The following ANO3 variants were observed in gnomAD, a reference collection of about 807,000 sequenced individuals.
ANO3 encodes the protein anoctamin 3.
Under a neutral mutation model 144.8 loss-of-function variants are expected in ANO3, and 99 were observed. The observed-to-expected ratio is 0.68, with a 90% CI of 0.58 to 0.81. ANO3 has a LOEUF of 0.81. Among genes scored for constraint, ANO3 ranks in the 30% least tolerant of loss-of-function variants. The probability of loss-of-function intolerance (pLI) is 0.00; values close to 1 mark genes in which losing one functional copy is unlikely to be tolerated. For missense variants in ANO3, 905 were observed against 1,202.2 expected (o/e 0.75, Z 3.66); for synonymous variants, 414 against 392.6 (o/e 1.05, Z -0.64).
intron 1 of ANO3, among the ~76,000 whole-genome samples, chr11:26,343,133 C>T (rs1220365882): frequency 6.6e-6 from 1 of 152,142 alleles, no homozygotes; most frequent in Non-Finnish European, 1.5e-5. Flanking sequence ...GCTCCACATG[C>T]CCCCCAATCC....
intron 4 of ANO3, among the ~76,000 whole-genome samples, chr11:26,475,432 A>G (rs1464621624): frequency 1.3e-5 from 2 of 152,056 alleles, no homozygotes; most frequent in East Asian, 1.9e-4. Context: ...AAGACACTTC[A>G]TAGGAAACTA....
intron 1 of ANO3, among the ~76,000 whole-genome samples, chr11:26,300,777 C>A (rs572970725): frequency 4.6e-5 from 7 of 152,018 alleles, no homozygotes; most frequent in African/African-American, 1.7e-4. Flanking sequence ...TGCATAATAT[C>A]GCTCATATTC....
chr11:26,332,091 C>T (rs1855060064), upstream of ANO3: 2 of 1,462,786 alleles, frequency 1.4e-6, no homozygotes, highest in African/African-American at 1.4e-5. Context: ...ACCGCCCTCC[C>T]GCGTTCCCAT....
chr11:26,310,150 T>G (rs1854473219), intron 1 of ANO3, among the ~76,000 whole-genome samples: 1 of 152,220 alleles, frequency 6.6e-6, no homozygotes, highest in South Asian at 2.1e-4. Context: ...CATTTATATA[T>G]GTGCAAAGAT....
intron 1 of ANO3, among the ~76,000 whole-genome samples, chr11:26,373,107 C>A (rs1217181659): frequency 2.0e-5 from 3 of 152,136 alleles, no homozygotes; most frequent in Admixed American, 2.0e-4. Context: ...CGGGCAGACA[C>A]ACACACACAT....
At chr11:26,494,543 C>T (rs1326401633) in intron 4 of ANO3, among the ~76,000 whole-genome samples, 1 of 152,166 alleles carries the variant, frequency 6.6e-6, no homozygotes, top group African/African-American at 2.4e-5. Context: ...TGAATGCTTC[C>T]ACTTACCTTA....
At chr11:26,243,815 G>A (rs1298982105) in intron 1 of ANO3, among the ~76,000 whole-genome samples, 2 of 152,016 alleles carry the variant, frequency 1.3e-5, no homozygotes, top group East Asian at 3.9e-4. Flanking sequence ...TGAAGCCATG[G>A]TATGTGTTGT....
chr11:26,284,666 G>C (rs1350148584), intron 1 of ANO3, among the ~76,000 whole-genome samples: 1 of 152,080 alleles, frequency 6.6e-6, no homozygotes, highest in Non-Finnish European at 1.5e-5. Flanking sequence ...TTGGGAGGCC[G>C]AGGCTGGCGG....
intron 12 of ANO3, among the ~76,000 whole-genome samples, chr11:26,550,615 G>A (rs191905134): frequency 1.3e-5 from 2 of 151,944 alleles, no homozygotes; most frequent in Non-Finnish European, 1.5e-5. Flanking sequence ...TCTTTTCTAA[G>A]ACCAAATAAT....
rs1378174842 is a variant in ANO3 at position 26,591,982 on chromosome 11, A to G, written c.1448-6383A>G. Among the ~76,000 whole-genome samples, 3 of 152,246 alleles carry G rather than the reference A, an allele frequency of 2.0e-5. No homozygotes were observed. In the East Asian group the frequency reaches 5.8e-4, roughly 29 times the overall value. Reference sequence around the variant, plus strand: ...TATCTAGGGATGGGGAACTAGAGGGAAGGGACTTGACTAATACCATGTCAC... The same window carrying G: ...TATCTAGGGATGGGGAACTAGAGGGGAGGGACTTGACTAATACCATGTCAC... On this transcript the variant is annotated intron_variant, in intron 14 of 26. Coordinates refer to ENST00000256737, the MANE Select transcript of ANO3 (RefSeq NM_031418.4).
chr11:26,292,683 G>A (rs1853987791), intron 1 of ANO3, among the ~76,000 whole-genome samples: 1 of 152,154 alleles, frequency 6.6e-6, no homozygotes, highest in African/African-American at 2.4e-5. Flanking sequence ...TCAGCTGCAG[G>A]TCTGTTGGAG....
chr11:26,517,923 T>C (rs536098235), intron 6 of ANO3, among the ~76,000 whole-genome samples: 123 of 152,150 alleles, frequency 8.1e-4, no homozygotes, highest in African/African-American at 2.9e-3. Flanking sequence ...AAATTAAGTG[T>C]TGGAAACTAC....
chr11:26,266,726 C>A (rs1372366962), intron 1 of ANO3, among the ~76,000 whole-genome samples: 1 of 150,854 alleles, frequency 6.6e-6, no homozygotes, highest in Non-Finnish European at 1.5e-5. Flanking sequence ...ATCCACCGTG[C>A]CCGGCCACCA....
chr11:26,439,033 AAATT>A (rs1309015408), intron 1 of ANO3, among the ~76,000 whole-genome samples: 1 of 83,392 alleles, frequency 1.2e-5, no homozygotes, highest in Non-Finnish European at 3.4e-5. Flanking sequence ...ATGAACCCAT[AAATT>A]TGTGGATAAT....
intron 8 of ANO3, among the ~76,000 whole-genome samples, chr11:26,533,261 C>T (rs73432408): frequency 0.038 from 5,737 of 151,532 alleles, 241 homozygotes; most frequent in African/African-American, 0.1. Context: ...CTCTTTTTGT[C>T]GGGTAAAAAT....
At chr11:26,403,446 T>A (rs1304002093) in intron 1 of ANO3, among the ~76,000 whole-genome samples, 2 of 151,908 alleles carry the variant, frequency 1.3e-5, no homozygotes, top group Non-Finnish European at 2.9e-5. Context: ...CATCAGCAAA[T>A]CCTTTTGGCT....
intron 1 of ANO3, among the ~76,000 whole-genome samples, chr11:26,224,862 G>A (rs374057333): frequency 2.6e-5 from 4 of 152,192 alleles, no homozygotes; most frequent in African/African-American, 9.6e-5. Context: ...GTGCAAACAA[G>A]AGGAGGAAGA....
At chr11:26,562,093 T>C (rs1322945019) in intron 14 of ANO3, among the ~76,000 whole-genome samples, 1 of 151,930 alleles carries the variant, frequency 6.6e-6, no homozygotes, top group African/African-American at 2.4e-5. Flanking sequence ...GTTTAGATTG[T>C]ATCAATTTTT....
At chr11:26,479,618 C>G (rs1860129626) in intron 4 of ANO3, among the ~76,000 whole-genome samples, 3 of 152,120 alleles carry the variant, frequency 2.0e-5, no homozygotes, top group African/African-American at 4.8e-5. Context: ...CCCCACAATT[C>G]AATTATCTCC....
Sources: gnomAD v4.1 joint callset for allele counts (sites outside exome capture counted in the v4.1 genomes callset) on GRCh38, gnomAD v4.1.1 for gene constraint, MANE v1.5 for transcripts, NCBI Gene and HGNC (gene_info 2026-07-23, HGNC 2026-07-21) for gene names.